The following CDH4 variants were observed in gnomAD, a reference collection of about 807,000 sequenced individuals.
The protein encoded by CDH4 is cadherin 4, also known as cadherin-4.
CDH4 carries 33 observed loss-of-function variants against 86.0 expected under a neutral mutation model. The ratio of observed to expected loss-of-function variants is 0.38; its 90% CI spans 0.29 to 0.51. CDH4 has a LOEUF of 0.51. Among genes scored for constraint, CDH4 ranks in the 20% least tolerant of loss-of-function variants. The probability of loss-of-function intolerance (pLI) is 0.86; values close to 1 mark genes in which losing one functional copy is unlikely to be tolerated. For missense variants in CDH4, 1,114 were observed against 1,307.4 expected (o/e 0.85, Z 2.28); for synonymous variants, 555 against 549.4 (o/e 1.01, Z -0.14).
intron 2 of CDH4, among the ~76,000 whole-genome samples, chr20:61,383,358 GATATATATGA>G (rs1234077073): frequency 3.6e-4 from 3 of 8,354 alleles, no homozygotes; most frequent in Non-Finnish European, 5.6e-4. Flanking sequence ...AATATATATG[GATATATATGA>G]ATATATATGG....
In CDH4 at chr20:61,298,180, C is replaced by T. The variant is rs540841140; in HGVS notation, c.169+43243C>T. The stretch of plus-strand genomic sequence containing the variant: ...CTGACCTGGCAGGGAGCCGGGTTTC[C>T]GGCCTGTGTCAGCGGCTGCCTAACC... On this transcript the variant is annotated intron_variant, in intron 2 of 15. Coordinates refer to ENST00000614565, the MANE Select transcript of CDH4 (RefSeq NM_001794.5). Among the ~76,000 whole-genome samples, 222 of 152,336 alleles carry T rather than the reference C, an allele frequency of 1.5e-3. 2 individuals are homozygous for T. In the South Asian group the frequency reaches 0.016, roughly 11 times the overall value.
At chr20:61,761,105 A>G (rs1249289746) in intron 3 of CDH4, among the ~76,000 whole-genome samples, 1 of 152,222 alleles carries the variant, frequency 6.6e-6, no homozygotes, top group Admixed American at 6.5e-5. Flanking sequence ...TCAAAGGTAC[A>G]CCGAAAAGGA....
chr20:61,575,285 G>C (rs2086374297), intron 2 of CDH4, among the ~76,000 whole-genome samples: 1 of 152,172 alleles, frequency 6.6e-6, no homozygotes, highest in Non-Finnish European at 1.5e-5. Flanking sequence ...GTGTTCCCAA[G>C]TTTAAGTTGA....
intron 3 of CDH4, among the ~76,000 whole-genome samples, 189 bp downstream of exon 3, chr20:61,743,978 C>T (rs1600938921): frequency 6.6e-6 from 1 of 152,246 alleles, no homozygotes; most frequent in Non-Finnish European, 1.5e-5. Flanking sequence ...GCCGTCATTG[C>T]GGGAAGGCCC....
At chr20:61,691,263 G>T (rs141524028) in intron 2 of CDH4, among the ~76,000 whole-genome samples, 29 of 152,294 alleles carry the variant, frequency 1.9e-4, no homozygotes, top group African/African-American at 6.3e-4. Flanking sequence ...GTGTGTGTGT[G>T]CAAGTGTGTG....
At chr20:61,359,347 C>G (rs1000359211) in intron 2 of CDH4, among the ~76,000 whole-genome samples, 2 of 152,160 alleles carry the variant, frequency 1.3e-5, no homozygotes, top group Admixed American at 6.5e-5. Context: ...CGCCTGTGTG[C>G]GTGCTCTCCA....
At chr20:61,854,096 C>T (rs1982870816) in intron 6 of CDH4, among the ~76,000 whole-genome samples, 1 of 152,174 alleles carries the variant, frequency 6.6e-6, no homozygotes. Flanking sequence ...CACCCCTGGC[C>T]AGTGCCCAGC....
chr20:61,372,125 G>A (rs1298583014), intron 2 of CDH4, among the ~76,000 whole-genome samples: 2 of 152,184 alleles, frequency 1.3e-5, no homozygotes, highest in African/African-American at 2.4e-5. Flanking sequence ...GTTCTCTGCC[G>A]GGTGTTTTGG....
intron 2 of CDH4, among the ~76,000 whole-genome samples, chr20:61,457,753 G>A (rs1005405020): frequency 4.0e-5 from 6 of 150,468 alleles, no homozygotes; most frequent in African/African-American, 1.5e-4. Flanking sequence ...GGTGGTGGTG[G>A]TAGTCTTATC....
At chr20:61,894,008 C>A (rs1568871727) in intron 7 of CDH4, among the ~76,000 whole-genome samples, 2 of 152,146 alleles carry the variant, frequency 1.3e-5, no homozygotes, top group African/African-American at 2.4e-5. Context: ...CTTAGAGAAG[C>A]ACGACTCAGG....
intron 2 of CDH4, among the ~76,000 whole-genome samples, chr20:61,309,396 G>A (rs1480132518): frequency 1.2e-4 from 2 of 16,522 alleles, no homozygotes; most frequent in Non-Finnish European, 5.9e-4. Context: ...GAGGTGTTCA[G>A]CTGTCTTCCT....
chr20:61,409,885 C>A (rs1474644165), intron 2 of CDH4, among the ~76,000 whole-genome samples: 2 of 152,250 alleles, frequency 1.3e-5, no homozygotes, highest in African/African-American at 4.8e-5. Flanking sequence ...GCAGCCCAGG[C>A]TTTGTGTTAA....
chr20:61,515,796 G>T (rs2085814351), intron 2 of CDH4, among the ~76,000 whole-genome samples: 1 of 152,044 alleles, frequency 6.6e-6, no homozygotes, highest in Non-Finnish European at 1.5e-5. Flanking sequence ...GGCTTTTTTT[G>T]TTCTTGTCGG....
chr20:61,267,714 C>T (rs575872298), intron 2 of CDH4, among the ~76,000 whole-genome samples: 1 of 152,208 alleles, frequency 6.6e-6, no homozygotes, highest in African/African-American at 2.4e-5. Context: ...GGGAATGGAT[C>T]GTTCAACAGA....
chr20:61,934,371 CT>C, intron 15 of CDH4, 151 bp downstream of exon 15: 1 of 801,590 alleles, frequency 1.2e-6, no homozygotes, highest in Non-Finnish European at 1.9e-6. Flanking sequence ...TGCTCTGCCC[CT>C]CCAGCGGGGT....
intron 5 of CDH4, among the ~76,000 whole-genome samples, chr20:61,850,127 A>G (rs1048701835): frequency 2.6e-5 from 4 of 152,352 alleles, no homozygotes; most frequent in Non-Finnish European, 5.9e-5. Flanking sequence ...GTGATGCTCC[A>G]GAAGATTCCT....
At chr20:61,741,474 G>A (rs2088333262) in intron 2 of CDH4, among the ~76,000 whole-genome samples, 1 of 151,416 alleles carries the variant, frequency 6.6e-6, no homozygotes, top group South Asian at 2.1e-4. Context: ...TGCCTAAGAT[G>A]TCACCAAAGC....
intron 2 of CDH4, among the ~76,000 whole-genome samples, chr20:61,693,115 C>G (rs1421740905): frequency 6.6e-6 from 1 of 152,126 alleles, no homozygotes; most frequent in East Asian, 1.9e-4. Flanking sequence ...CACAGCTCAG[C>G]CTGGTGACAA....
chr20:61,502,613 G>C (rs970895969), intron 2 of CDH4, among the ~76,000 whole-genome samples: 2 of 152,160 alleles, frequency 1.3e-5, no homozygotes, highest in Admixed American at 1.3e-4. Context: ...CTCTAACCCT[G>C]ATACTGCACA....
Sources: allele counts gnomAD v4.1 joint callset (sites outside exome capture counted in the v4.1 genomes callset), GRCh38; gene constraint gnomAD v4.1.1; transcripts MANE v1.5; gene names NCBI Gene and HGNC (gene_info 2026-07-23, HGNC 2026-07-21).